Variants in PTPRN2 observed in about 807,000 individuals in gnomAD.
PTPRN2 encodes the protein protein tyrosine phosphatase receptor type N2.
A neutral mutation model predicts 118.8 loss-of-function variants in PTPRN2; 74 were observed. The observed-to-expected ratio is 0.62, with a 90% CI of 0.52 to 0.76. PTPRN2 has a LOEUF of 0.76. Ranked by LOEUF, PTPRN2 falls within the 30% of genes least tolerant of loss-of-function variation. The pLI is 0.00. For synonymous variants in PTPRN2, 641 were observed against 608.0 expected, an observed-to-expected ratio of 1.05 and a Z score of -0.80; for missense variants, 1,481 against 1,394.4, an observed-to-expected ratio of 1.06 and a Z score of -0.99.
chr7:157,783,804 C>T (rs147709686), intron 12 of PTPRN2, among the ~76,000 whole-genome samples: 21 of 152,072 alleles, frequency 1.4e-4, no homozygotes, highest in East Asian at 1.4e-3. Flanking sequence ...TGATTTCCTC[C>T]GGAGGCTGTT....
At chr7:157,864,085 C>T (rs1340620429) in intron 12 of PTPRN2, 2 of 152,290 alleles carry the variant, frequency 1.3e-5, no homozygotes, top group African/African-American at 4.8e-5. Context: ...TTTCTGCCGG[C>T]CACGTGGTTT....
intron 2 of PTPRN2, among the ~76,000 whole-genome samples, chr7:158,340,448 AC>A (rs1318885814): frequency 2.0e-5 from 1 of 49,784 alleles, no homozygotes; most frequent in Non-Finnish European, 4.4e-5. Context: ...AAGAGCTGAC[AC>A]CCGCAGACGT....
At chr7:158,537,718 G>C (rs1236561338) in intron 1 of PTPRN2, 1 of 152,352 alleles carries the variant, frequency 6.6e-6, no homozygotes, top group East Asian at 1.9e-4. Flanking sequence ...TGCCAGCCCA[G>C]CAACGAGCCT....
chr7:157,783,236 G>A (rs888921849), intron 12 of PTPRN2, among the ~76,000 whole-genome samples: 6 of 152,116 alleles, frequency 3.9e-5, no homozygotes, highest in African/African-American at 1.4e-4. Context: ...AGTCTTGGGT[G>A]TGTCTTTATT....
At chr7:158,089,611 ATGAAAGAGGGAGTCTT>A (rs1813844265) in intron 10 of PTPRN2, among the ~76,000 whole-genome samples, 3 of 122,110 alleles carry the variant, frequency 2.5e-5, no homozygotes, top group Admixed American at 7.9e-5. Flanking sequence ...TCTTCCCCTG[ATGAAAGAGGGAGTCTT>A]CACACAAACC....
intron 12 of PTPRN2, among the ~76,000 whole-genome samples, chr7:157,753,300 A>G (rs1345004266): frequency 6.6e-6 from 1 of 152,164 alleles, no homozygotes; most frequent in Non-Finnish European, 1.5e-5. Context: ...TGGACCCCAC[A>G]GAGGAACTGT....
rs1253528787 is a variant in PTPRN2 at position 157,603,034 on chromosome 7, G to A, written c.2418+968C>T. On this transcript the variant is annotated intron_variant, in intron 16 of 22. Coordinates refer to ENST00000389418, the MANE Select transcript of PTPRN2 (RefSeq NM_002847.5). The surrounding 1 kb of genome is among the most constrained non-coding windows in gnomAD (Gnocchi z 5.4). Reference sequence around the variant, plus strand: ...AAGAGCTGTTTAAAGGGGGAAACATGACAACCAGTGTCCGCCATAAATCTG... The same window carrying A: ...AAGAGCTGTTTAAAGGGGGAAACATAACAACCAGTGTCCGCCATAAATCTG... Among the ~76,000 whole-genome samples, 2 of 152,224 alleles carry A rather than the reference G, an allele frequency of 1.3e-5. No individual in the cohort carries two copies. Among genetic ancestry groups the A allele is most frequent in the African/African-American group, 4.8e-5 (2 of 41,460 alleles).
intron 12 of PTPRN2, among the ~76,000 whole-genome samples, chr7:157,747,968 A>G (rs1323272189): frequency 1.0e-4 from 7 of 69,494 alleles, no homozygotes; most frequent in African/African-American, 2.2e-4. Context: ...CAGGCTGTTG[A>G]GGTGATTCTG....
chr7:157,914,902 T>G (rs1262182080), intron 11 of PTPRN2, among the ~76,000 whole-genome samples: 1 of 152,204 alleles, frequency 6.6e-6, no homozygotes, highest in Non-Finnish European at 1.5e-5. Flanking sequence ...TATACTTTAC[T>G]TCTCTAATTC....
rs1278953679 is a variant in PTPRN2, at chr7:157,986,609, C to T, written c.1724-87872G>A. On this transcript the variant is annotated intron_variant, in intron 11 of 22. Transcript: ENST00000389418. This position sits in a 1 kb window ranked among gnomAD's most constrained non-coding sequence, Gnocchi z 4.5. ...ATTCAGACATCACGCTTCCTTTCGT[C>T]CTCACTCAAAATTCCCATTCACTCA... Among the ~76,000 whole-genome samples the T allele has an allele frequency of 6.6e-6, 1 of 152,196 alleles. No individual in the cohort carries two copies. Among genetic ancestry groups the T allele is most frequent in the Non-Finnish European group, 1.5e-5 (1 of 68,036 alleles).
At chr7:157,724,375 C>T (rs1563040887) in intron 12 of PTPRN2, among the ~76,000 whole-genome samples, 1 of 152,168 alleles carries the variant, frequency 6.6e-6, no homozygotes, top group Non-Finnish European at 1.5e-5. Flanking sequence ...GGATATTAGC[C>T]ATCAGGTCAC....
intron 2 of PTPRN2, among the ~76,000 whole-genome samples, chr7:158,448,631 C>T (rs1231238448): frequency 6.6e-6 from 1 of 152,214 alleles, no homozygotes; most frequent in Non-Finnish European, 1.5e-5. Context: ...CACTCCTGGG[C>T]CAAGGGCATG....
intron 10 of PTPRN2, among the ~76,000 whole-genome samples, chr7:158,106,244 C>T (rs373590163): frequency 7.2e-4 from 110 of 152,136 alleles, no homozygotes; most frequent in Admixed American, 1.8e-3. Context: ...CCGCAGCTCC[C>T]TCTAGCTTCC....
chr7:157,844,050 A>G (rs6459812), intron 12 of PTPRN2, among the ~76,000 whole-genome samples: 114,115 of 150,280 alleles, frequency 0.76, 43,415 homozygotes, highest in East Asian at 0.95. Flanking sequence ...CCTCCACGTC[A>G]TCGGTGTGGA....
chr7:158,044,229 G>A (rs1204352630), intron 11 of PTPRN2, among the ~76,000 whole-genome samples: 4 of 152,208 alleles, frequency 2.6e-5, no homozygotes, highest in Non-Finnish European at 5.9e-5. Context: ...TGGCACAGAG[G>A]CAGGAGGGGG....
chr7:158,422,772 C>T (rs549893463), intron 2 of PTPRN2, among the ~76,000 whole-genome samples: 1 of 146,946 alleles, frequency 6.8e-6, no homozygotes, highest in African/African-American at 2.5e-5. Flanking sequence ...ATGTGGTCTC[C>T]GTCACACCTG....
At chr7:157,732,184 AC>A in intron 12 of PTPRN2, among the ~76,000 whole-genome samples, 1 of 78,406 alleles carries the variant, frequency 1.3e-5, no homozygotes, top group Non-Finnish European at 2.7e-5. Flanking sequence ...CAGCACAGTT[AC>A]CCTTTTCCGC....
intron 12 of PTPRN2, among the ~76,000 whole-genome samples, chr7:157,731,484 C>T (rs2907681): frequency 0.062 from 7,496 of 120,042 alleles, 128 homozygotes; most frequent in Non-Finnish European, 0.083. Context: ...GCACAGTTAC[C>T]CTTTCCCGTC....
chr7:157,907,459 C>CGG (rs1797840021), intron 11 of PTPRN2, among the ~76,000 whole-genome samples: 1 of 141,336 alleles, frequency 7.1e-6, no homozygotes, highest in Non-Finnish European at 1.5e-5. Context: ...TGGGGTGTCC[C>CGG]GGGTGGCAGT....
Sources: gnomAD v4.1 joint callset for allele counts (sites outside exome capture counted in the v4.1 genomes callset) on GRCh38, gnomAD v4.1.1 for gene constraint, Gnocchi (gnomAD v3.1) non-coding constraint, MANE v1.5 for transcripts, NCBI Gene and HGNC (gene_info 2026-07-23, HGNC 2026-07-21) for gene names.